Variants in LUC7L2 observed in about 807,000 individuals in gnomAD.
LUC7L2 encodes LUC7 like 2, pre-mRNA splicing factor, also known as putative RNA-binding protein Luc7-like 2.
LUC7L2 carries 25 observed loss-of-function variants against 52.8 expected under a neutral mutation model. The ratio of observed to expected loss-of-function variants is 0.47; its 90% CI spans 0.34 to 0.66. The LOEUF (loss-of-function observed/expected upper bound fraction) is 0.66. Ranked by LOEUF, LUC7L2 falls within the 30% of genes least tolerant of loss-of-function variation. The pLI, the probability that LUC7L2 is intolerant of heterozygous loss-of-function variation, is 0.01. For missense variants in LUC7L2, 328 were observed against 497.8 expected, an observed-to-expected ratio of 0.66 and a Z score of 3.25; for synonymous variants, 144 against 160.9, an observed-to-expected ratio of 0.89 and a Z score of 0.80.
At chr7:139,421,845 T>A (rs1795921681) in intron 9 of LUC7L2, among the ~76,000 whole-genome samples, 1 of 152,264 alleles carries the variant, frequency 6.6e-6, no homozygotes, top group South Asian at 2.1e-4. Flanking sequence ...TTAAAGCTGT[T>A]ATCTATGTAT....
chr7:139,382,637 C>G (rs1161459127), intron 2 of LUC7L2, among the ~76,000 whole-genome samples: 1 of 152,170 alleles, frequency 6.6e-6, no homozygotes, highest in African/African-American at 2.4e-5. Flanking sequence ...TAGGGATCCA[C>G]CAGCCTAGGC....
intron 2 of LUC7L2, among the ~76,000 whole-genome samples, chr7:139,391,604 G>A (rs73154160): frequency 1.3e-5 from 2 of 150,946 alleles, no homozygotes; most frequent in African/African-American, 2.4e-5. Flanking sequence ...TTTTTTGGTG[G>A]GGGGGACAGG....
chr7:139,390,072 A>G (rs979770560), intron 2 of LUC7L2, among the ~76,000 whole-genome samples: 11 of 152,100 alleles, frequency 7.2e-5, no homozygotes, highest in African/African-American at 2.7e-4. Flanking sequence ...AAGATCACTT[A>G]AGCCTAGGAA....
intron 1 of LUC7L2, among the ~76,000 whole-genome samples, chr7:139,344,589 ATAAG>A (rs1295518806): frequency 6.6e-6 from 1 of 152,160 alleles, no homozygotes; most frequent in Non-Finnish European, 1.5e-5. Context: ...GCCAATTGTA[ATAAG>A]TAATATGAAC....
At chr7:139,353,740 C>G (rs1799526096) in intron 1 of LUC7L2, among the ~76,000 whole-genome samples, 1 of 151,860 alleles carries the variant, frequency 6.6e-6, no homozygotes, top group African/African-American at 2.4e-5. Flanking sequence ...TTGCAGTGAG[C>G]CTAGATTGCG....
rs1169793101 is a variant in LUC7L2 at position 139,363,976 on chromosome 7, C to CTTTTTTTTTTTTTTTTTT, written c.61+3664_61+3681dup. Among the ~76,000 whole-genome samples the CTTTTTTTTTTTTTTTTTT allele has an allele frequency of 2.5e-4, 24 of 96,100 alleles. 2 individuals carry two copies. The highest frequency in any genetic ancestry group is 9.8e-4 in the African/African-American group (17 of 17,266). 63.0% of individuals were successfully genotyped at this position (96,100 alleles called of 152,430 possible). A position where few individuals can be genotyped will look rare whatever the true frequency, so the allele number is the denominator to read the frequency against. On this transcript the variant is annotated intron_variant, in intron 1 of 9. Coordinates refer to ENST00000354926, the MANE Select transcript of LUC7L2 (RefSeq NM_016019.5). ...TGAGGGTGTGGATTTAGATTACATC[C>CTTTTTTTTTTTTTTTTTT]TTTTTTTTTTTTTTTTTTTTTTTTT...
chr7:139,406,475 G>A (rs144109004), intron 5 of LUC7L2, among the ~76,000 whole-genome samples: 1,867 of 151,348 alleles, frequency 0.012, 15 homozygotes, highest in Middle Eastern at 0.021. Flanking sequence ...GCCTCAGCCT[G>A]CTGAGTAGCT....
intron 1 of LUC7L2, among the ~76,000 whole-genome samples, chr7:139,344,186 C>G (rs917187041): frequency 1.3e-5 from 2 of 152,192 alleles, no homozygotes; most frequent in African/African-American, 4.8e-5. Flanking sequence ...GAATTTCTAG[C>G]TTCTTAAAGT....
At chr7:139,397,842 T>C (rs1794726950) in intron 2 of LUC7L2, among the ~76,000 whole-genome samples, 6 of 152,182 alleles carry the variant, frequency 3.9e-5, no homozygotes, top group Admixed American at 3.9e-4. Flanking sequence ...CTAGATTCAG[T>C]AAGAGTATTT....
chr7:139,364,688 C>CCTT (rs1362481315), intron 1 of LUC7L2, among the ~76,000 whole-genome samples: 10 of 152,184 alleles, frequency 6.6e-5, no homozygotes, highest in Non-Finnish European at 1.3e-4. Context: ...GTTAGTAGTA[C>CCTT]ATAACCGTGT....
At chr7:139,392,189 A>G (rs1185463904) in intron 2 of LUC7L2, 1 of 164,718 alleles carries the variant, frequency 6.1e-6, no homozygotes, top group East Asian at 1.8e-4. Flanking sequence ...TTTATTCTCC[A>G]TTTATCTTTT....
intron 3 of LUC7L2, among the ~76,000 whole-genome samples, chr7:139,399,450 T>A (rs1191618393): frequency 1.4e-4 from 4 of 28,680 alleles, no homozygotes; most frequent in African/African-American, 1.6e-3. Flanking sequence ...GTTTGGGGGA[T>A]TTTTTTTTTT....
At chr7:139,374,770 C>T (rs1229771421) in intron 1 of LUC7L2, 16 of 1,187,994 alleles carry the variant, frequency 1.3e-5, no homozygotes, top group Non-Finnish European at 1.7e-5. Flanking sequence ...ACAATTTGAA[C>T]AAAATCTTAC....
At chr7:139,417,031 A>G (rs1795653198) in intron 8 of LUC7L2, 2 of 152,830 alleles carry the variant, frequency 1.3e-5, no homozygotes, top group African/African-American at 2.4e-5. Context: ...CTCTCTGAGA[A>G]TTATCAATCA....
At chr7:139,362,350 C>A (rs1432358223) in intron 1 of LUC7L2, among the ~76,000 whole-genome samples, 1 of 151,816 alleles carries the variant, frequency 6.6e-6, no homozygotes, top group Non-Finnish European at 1.5e-5. Flanking sequence ...TTATATATAT[C>A]ATTTTATGAT....
At chr7:139,372,438 C>G (rs2131205672) in intron 1 of LUC7L2, among the ~76,000 whole-genome samples, 1 of 152,222 alleles carries the variant, frequency 6.6e-6, no homozygotes, top group Non-Finnish European at 1.5e-5. Flanking sequence ...AAAGCTATTA[C>G]TCCAGGTTGT....
At chr7:139,341,267 C>T in intron 1 of LUC7L2, 9 of 1,469,006 alleles carry the variant, frequency 6.1e-6, no homozygotes, top group Non-Finnish European at 7.2e-6. Context: ...CACTGCTCGT[C>T]AGTCGATAGG....
chr7:139,411,861 G>GA (rs1795374863), intron 7 of LUC7L2, among the ~76,000 whole-genome samples: 1 of 152,058 alleles, frequency 6.6e-6, no homozygotes. Flanking sequence ...TCCCAGAAGG[G>GA]AAAAAAGAAA....
intron 1 of LUC7L2, among the ~76,000 whole-genome samples, chr7:139,366,082 G>GA (rs1800138705): frequency 6.6e-6 from 1 of 152,306 alleles, no homozygotes; most frequent in Admixed American, 6.5e-5. Flanking sequence ...AGGACTTTGA[G>GA]AAGTCAAAGC....
Sources: gnomAD v4.1 joint callset for allele counts (sites outside exome capture counted in the v4.1 genomes callset) on GRCh38, gnomAD v4.1.1 for gene constraint, MANE v1.5 for transcripts, NCBI Gene and HGNC (gene_info 2026-07-23, HGNC 2026-07-21) for gene names.